The following PRDM14 variants were observed in gnomAD, a reference collection of about 807,000 sequenced individuals.
PRDM14 encodes PR domain zinc finger protein 14.
In PRDM14, 16 loss-of-function variants were observed where a neutral mutation model predicts 48.0. The observed-to-expected ratio is 0.33, with a 90% CI of 0.23 to 0.51. The LOEUF is 0.51. PRDM14 is among the 20% of genes least tolerant of loss of function. The pLI is 0.97. For synonymous variants in PRDM14, 264 were observed against 276.6 expected, an observed-to-expected ratio of 0.95 and a Z score of 0.45; for missense variants, 566 against 719.6, an observed-to-expected ratio of 0.79 and a Z score of 2.44.
chr8:70,054,515 ATTT>A lies in PRDM14; in HGVS notation c.1488+782_1488+784del, dbSNP rs561179179. Among the ~76,000 whole-genome samples, 752 of 114,994 alleles carry A rather than the reference ATTT, an allele frequency of 6.5e-3. 5 individuals carry two copies. The highest frequency in any genetic ancestry group is 0.016 in the African/African-American group (478 of 29,390). 75.4% of individuals were successfully genotyped at this position (114,994 alleles called of 152,430 possible). A position where few individuals can be genotyped will look rare whatever the true frequency, so the allele number is the denominator to read the frequency against. On this transcript the variant is annotated intron_variant, in intron 7 of 7. Coordinates refer to ENST00000276594, the MANE Select transcript of PRDM14 (RefSeq NM_024504.4). ...TGTTCTTAAATACTATGAAATAGTG[ATTT>A]TTTTTTTTTTTTTTTTTTGGAGACG...
At chr8:70,052,350 C>T (rs200952680) in intron 7 of PRDM14, 46 bp from the exon 8 acceptor site, 26 of 1,468,938 alleles carry the variant, frequency 1.8e-5, no homozygotes, top group African/African-American at 1.1e-4. Flanking sequence ...TCAACTTCCA[C>T]GAGCTGGACA....
intron 6 of PRDM14, among the ~76,000 whole-genome samples, chr8:70,056,817 A>AT (rs1805480936): frequency 3.2e-5 from 1 of 30,936 alleles, no homozygotes; most frequent in Non-Finnish European, 5.2e-5. Context: ...AGACTGTCTC[A>AT]AAAAAAAAAA....
chr8:70,069,707 G>T lies in PRDM14; in HGVS notation c.154C>A (p.Pro52Thr), dbSNP rs1585655833. 6.4e-7 allele frequency: 1 copy of T among 1,569,204 alleles called. No homozygotes were observed. The highest frequency in any genetic ancestry group is 8.6e-7 in the Non-Finnish European group (1 of 1,156,946). Residue 52 changes from proline (P) to threonine (T), a missense_variant, in exon 2 of 8, where the codon CCT becomes ACT. Pro to Thr is a conservative substitution (Grantham distance 38, BLOSUM62 -1). This residue lies in a region of PRDM14 where 410 missense variants were observed against 424.6 expected (regional missense o/e 0.97). Transcript: ENST00000276594. ...GCTGCGGCCTCCAGCTGCCGGAAAG[G>T]TTGGAAGTCTTCCTCCACGGTGGCC... ...SLATVEEDFQ[P>T]FRQLEAAASA...
chr8:70,062,551 G>GC (rs1196765586), intron 5 of PRDM14, among the ~76,000 whole-genome samples: 2 of 150,366 alleles, frequency 1.3e-5, no homozygotes, highest in African/African-American at 4.9e-5. Flanking sequence ...TGCAACCTCC[G>GC]CCCCCGGTTT....
intron 6 of PRDM14, among the ~76,000 whole-genome samples, chr8:70,057,376 C>A (rs1366078521): frequency 4.0e-5 from 6 of 150,924 alleles, no homozygotes; most frequent in Non-Finnish European, 1.5e-5. Context: ...GCCACCCAGG[C>A]TGCAGTGCAA....
intron 7 of PRDM14, among the ~76,000 whole-genome samples, chr8:70,053,542 T>C (rs900515791): frequency 6.6e-6 from 1 of 152,058 alleles, no homozygotes; most frequent in African/African-American, 2.4e-5. Flanking sequence ...AGGTGCACTA[T>C]GATGCCCAGC....
At chr8:70,058,975 G>A (rs943049944) in intron 5 of PRDM14, 133 bp from the exon 6 acceptor site, 2 of 745,718 alleles carry the variant, frequency 2.7e-6, no homozygotes, top group Non-Finnish European at 4.2e-6. Context: ...CTTTTTTTGA[G>A]ACAGAATCTT....
rs1805524018 is a variant in PRDM14 at position 70,058,830 on chromosome 8, C to T, written c.1196G>A (p.Gly399Asp). ...PSGPSEESAEGYRCERCGKVF... is the reference protein window; with the variant it reads ...PSGPSEESAEDYRCERCGKVF... Reference sequence around the variant, plus strand: ...CTTCCCACATCTTTCACATCTGTAGCCTTCTGCAGACTCTGTCAAACACAG... The same window carrying T: ...CTTCCCACATCTTTCACATCTGTAGTCTTCTGCAGACTCTGTCAAACACAG... The change falls in exon 6 of 8, where the codon GGC becomes GAC. Residue 399 changes from glycine to aspartate, a missense_variant. Physicochemically the swap from Gly to Asp is moderately conservative, Grantham distance 94. Transcript: ENST00000276594. The T allele has an allele frequency of 6.2e-7, 1 of 1,613,638 alleles. No individual in the cohort carries two copies. The highest frequency in any genetic ancestry group is 1.6e-4 in the Middle Eastern group (1 of 6,062).
chr8:70,064,843 C>T lies in PRDM14; in HGVS notation c.1183+1392G>A, dbSNP rs112535879. Among the ~76,000 whole-genome samples, 1,019 of 150,806 alleles carry T rather than the reference C, an allele frequency of 6.8e-3. 5 individuals carry two copies. Among genetic ancestry groups the T allele is most frequent in the South Asian group, 0.025 (121 of 4,780 alleles). ...CTGGGCCATTTTTTTTTTAAACCTG[C>T]TCCTTACACATTTATTACATCATAA... On this transcript the variant is annotated intron_variant, in intron 5 of 7. Coordinates refer to ENST00000276594, the MANE Select transcript of PRDM14 (RefSeq NM_024504.4).
rs933514027 is a variant in PRDM14, at chr8:70,061,123, G to C, written c.1184-2281C>G. On this transcript the variant is annotated intron_variant, in intron 5 of 7. Coordinates refer to ENST00000276594, the MANE Select transcript of PRDM14 (RefSeq NM_024504.4). ...GAGGGAGGAGGAGAGAAGTTAGAGA[G>C]GGTGCAGCTAGACTCTAGCAAAGCA... is the stretch of plus-strand genomic sequence containing the variant. Among the ~76,000 whole-genome samples, 6 of 152,182 alleles carry C rather than the reference G, an allele frequency of 3.9e-5. 1 individual carries two copies. In the East Asian group the frequency reaches 7.7e-4, roughly 19 times the overall value.
chr8:70,069,556 T>A lies in PRDM14; in HGVS notation c.305A>T (p.Tyr102Phe), dbSNP rs1563443430. The change falls in exon 2 of 8, where the codon TAC (tyrosine) becomes TTC (phenylalanine). Residue 102 changes from tyrosine (Y) to phenylalanine (F), a missense_variant. By Grantham distance (22) the Tyr-to-Phe change is conservative. This residue lies in a region of PRDM14 where 410 missense variants were observed against 424.6 expected (regional missense o/e 0.97). Coordinates refer to ENST00000276594, the MANE Select transcript of PRDM14 (RefSeq NM_024504.4). ...TTCCCTGGGGACGTGGGGAATTGGG[T>A]ACCACGGTGGCAGCTTGCTGTACCA... The part of the protein sequence containing the change: ...LPWYSKLPPW[Y>F]PIPHVPREVP... 6 of 1,608,832 alleles carry A rather than the reference T, an allele frequency of 3.7e-6. No homozygotes were observed. The highest frequency in any genetic ancestry group is 5.1e-6 in the Non-Finnish European group (6 of 1,177,666).
At position 70,055,286 on chromosome 8, in the gene PRDM14, G is replaced by C. The variant is rs149947511; in HGVS notation, c.1488+14C>G. On this transcript the variant is annotated intron_variant, in intron 7 of 7. Coordinates refer to ENST00000276594, the MANE Select transcript of PRDM14 (RefSeq NM_024504.4). ...GAGCTCAGGACACATCCCTTAGTAA[G>C]AGGTTCCATTTACCTTAGTACAATA... The C allele has an allele frequency of 5.0e-3, 7,097 of 1,433,684 alleles. 74 individuals are homozygous for C. Among genetic ancestry groups the C allele is most frequent in the South Asian group, 0.027 (2,373 of 87,068 alleles). The allele number at this position is 1,433,684 out of a possible 1,614,324, so 88.8% of individuals were successfully genotyped here.
chr8:70,069,082 A>G (rs1805719242), intron 2 of PRDM14, 79 bp downstream of exon 2: 2 of 1,143,344 alleles, frequency 1.7e-6, no homozygotes, highest in Admixed American at 2.6e-5. Context: ...TCCACCTGGA[A>G]GCGCCTCTTC....
At chr8:70,052,380 AAATTTCAC>A (rs1805402361) in intron 7 of PRDM14, 76 bp from the exon 8 acceptor site, 4 of 1,196,446 alleles carry the variant, frequency 3.3e-6, no homozygotes, top group Non-Finnish European at 4.8e-6. Flanking sequence ...ACTAAGGGGT[AAATTTCAC>A]TGTTGCTCAT....
At chr8:70,053,924 A>G (rs1008134138) in intron 7 of PRDM14, among the ~76,000 whole-genome samples, 8 of 152,236 alleles carry the variant, frequency 5.3e-5, no homozygotes, top group African/African-American at 1.7e-4. Context: ...TAATGGGAAT[A>G]TTCATTACCC....
At chr8:70,066,145 G>A in intron 5 of PRDM14, 90 bp downstream of exon 5, 1 of 1,394,188 alleles carries the variant, frequency 7.2e-7, no homozygotes, top group Non-Finnish European at 9.8e-7. Flanking sequence ...GCCTTTAGGA[G>A]GGAGGAGCTG....
At chr8:70,067,520 G>GA (rs1158520319) in intron 4 of PRDM14, among the ~76,000 whole-genome samples, 2,259 of 81,258 alleles carry the variant, frequency 0.028, 71 homozygotes, top group African/African-American at 0.093. Flanking sequence ...TCCGTCTCAA[G>GA]AAAAAAAAAA....
chr8:70,068,252 C>T lies in PRDM14; in HGVS notation c.890G>A (p.Gly297Glu). ...VVNASEVKTY[G>E]DNSVMWEIFE... ...TACCTCCCACATCACAGAATTGTCT[C>T]CGTAGGTCTTCACTTCACTGGCATT... Residue 297 changes from glycine (G) to glutamate (E), a missense_variant, in exon 4 of 8, where the codon GGA becomes GAA. Physicochemically the swap from Gly to Glu is moderately conservative, Grantham distance 98. Around this residue, in one of 3 missense-constraint regions of PRDM14, gnomAD observed 410 missense variants for 424.6 expected, o/e 0.97. Coordinates refer to ENST00000276594, the MANE Select transcript of PRDM14 (RefSeq NM_024504.4). The T allele has an allele frequency of 6.2e-7, 1 of 1,614,230 alleles. No individual in the cohort carries two copies. Among genetic ancestry groups the T allele is most frequent in the Non-Finnish European group, 8.5e-7 (1 of 1,180,048 alleles).
rs182832428 is a variant in PRDM14 at position 70,062,525 on chromosome 8, G to A, written c.1184-3683C>T. On this transcript the variant is annotated intron_variant, in intron 5 of 7. Coordinates refer to ENST00000276594, the MANE Select transcript of PRDM14 (RefSeq NM_024504.4). ...AAGGTAATTTTTTTTTTTTTGAGAC[G>A]GAATCTTGCTCGGTCTGCAACCTCC... 3.3e-5 allele frequency among the ~76,000 whole-genome samples: 5 copies of A among 150,080 alleles called. No individual in the cohort carries two copies. In the East Asian group the frequency reaches 5.8e-4, roughly 17 times the overall value.
Sources: gnomAD v4.1 joint callset for allele counts (sites outside exome capture counted in the v4.1 genomes callset) on GRCh38, gnomAD v4.1.1 for gene constraint, gnomAD v4.1.1 regional missense constraint, MANE v1.5 for transcripts, NCBI Gene and HGNC (gene_info 2026-07-23, HGNC 2026-07-21) for gene names.